PPFIBP2: variants seen among roughly 807,000 people sequenced by gnomAD.
PPFIBP2 encodes the protein PPFIB scaffold protein 2, also known as liprin-beta-2.
In PPFIBP2, 118 loss-of-function variants were observed where a neutral mutation model predicts 118.3. That is an observed-to-expected ratio of 1.00 (90% confidence interval 0.86 to 1.16). The LOEUF is 1.16. PPFIBP2 is among the 50% of genes most tolerant of loss of function. The probability of loss-of-function intolerance (pLI) is 0.00; values close to 1 mark genes in which losing one functional copy is unlikely to be tolerated. For synonymous variants in PPFIBP2, 414 were observed against 397.4 expected, an observed-to-expected ratio of 1.04 and a Z score of -0.50; for missense variants, 1,195 against 1,073.1, an observed-to-expected ratio of 1.11 and a Z score of -1.59.
chr11:7,621,348 C>T (rs886386386), intron 7 of PPFIBP2, among the ~76,000 whole-genome samples: 2 of 152,194 alleles, frequency 1.3e-5, no homozygotes, highest in Non-Finnish European at 2.9e-5. Context: ...GGCAGTGAAT[C>T]ATGCGTCCTA....
the PPFIBP2 span, chr11:7,665,603 C>A: frequency 1.3e-6 from 2 of 1,524,432 alleles, no homozygotes; most frequent in East Asian, 2.3e-5. Flanking sequence ...GTTCCTGATC[C>A]CAGGCCGCCT....
chr11:7,589,704 A>G (rs996824061), intron 3 of PPFIBP2, among the ~76,000 whole-genome samples: 5 of 152,112 alleles, frequency 3.3e-5, no homozygotes, highest in African/African-American at 4.8e-5. Flanking sequence ...GGTTTTTGCA[A>G]CCTGACTTCA....
rs777141730 is a variant in PPFIBP2 at position 7,653,089 on chromosome 11, C to T, written c.2502C>T (p.Asp834=). The T allele has an allele frequency of 3.1e-6, 5 of 1,613,834 alleles. No homozygotes were observed. The Admixed American group carries it at 8.3e-5, about 27-fold the overall frequency. Residue 834 remains aspartate (D), a synonymous_variant, in exon 24 of 24, where the codon GAC becomes GAT. Coordinates refer to ENST00000299492, the MANE Select transcript of PPFIBP2 (RefSeq NM_003621.5). Reference sequence around the variant, plus strand: ...AAAAGAAGTTCGATGAATCGACGGACTACATTTGCCCAATGGAGCCCAGTG... The same window carrying T: ...AAAAGAAGTTCGATGAATCGACGGATTACATTTGCCCAATGGAGCCCAGTG... ...IRKKKFDEST[D]YICPMEPSDG... is the part of the protein sequence containing the mutation.
intron 3 of PPFIBP2, among the ~76,000 whole-genome samples, chr11:7,582,038 A>G (rs1857338587): frequency 1.3e-5 from 2 of 152,108 alleles, no homozygotes; most frequent in South Asian, 4.2e-4. Context: ...GGGTTTTGCC[A>G]TGTTAGCCAG....
At chr11:7,651,573 C>G (rs531628496) in intron 22 of PPFIBP2, 83 bp from the exon 23 acceptor site, 5 of 1,323,294 alleles carry the variant, frequency 3.8e-6, no homozygotes, top group African/African-American at 1.5e-5. Flanking sequence ...ACCCCCAGCC[C>G]CAACAGGCCA....
At chr11:7,571,047 G>A (rs992753805) in intron 3 of PPFIBP2, among the ~76,000 whole-genome samples, 3 of 152,154 alleles carry the variant, frequency 2.0e-5, no homozygotes, top group African/African-American at 7.2e-5. Context: ...GCTTGATGGA[G>A]GCCCACATCT....
intron 10 of PPFIBP2, 68 bp downstream of exon 10, chr11:7,629,602 C>T (rs1850492026): frequency 1.4e-6 from 2 of 1,478,184 alleles, no homozygotes; most frequent in South Asian, 1.1e-5. Context: ...AAGCCAGGGG[C>T]AGTTCTGCTA....
At chr11:7,585,583 A>C (rs1302263818) in intron 3 of PPFIBP2, among the ~76,000 whole-genome samples, 1 of 152,220 alleles carries the variant, frequency 6.6e-6, no homozygotes, top group Non-Finnish European at 1.5e-5. Flanking sequence ...TTCTCCTTGC[A>C]AATGGCCAGC....
chr11:7,553,573 C>A (rs11041443), intron 2 of PPFIBP2, among the ~76,000 whole-genome samples: 9,148 of 152,202 alleles, frequency 0.06, 354 homozygotes, highest in South Asian at 0.15. Flanking sequence ...AATCCCAGCT[C>A]AGCCATTTAG....
intron 5 of PPFIBP2, among the ~76,000 whole-genome samples, chr11:7,609,591 C>A (rs1401528566): frequency 9.9e-5 from 15 of 152,114 alleles, no homozygotes. Flanking sequence ...TTGTCAAAGC[C>A]CTGGGTTATT....
intron 4 of PPFIBP2, among the ~76,000 whole-genome samples, chr11:7,594,182 T>C (rs917874048): frequency 6.6e-6 from 1 of 152,222 alleles, no homozygotes; most frequent in African/African-American, 2.4e-5. Flanking sequence ...TTGTATTTTA[T>C]GAACATAAGG....
intron 1 of PPFIBP2, among the ~76,000 whole-genome samples, chr11:7,514,923 G>T (rs915566950): frequency 6.6e-6 from 1 of 152,100 alleles, no homozygotes; most frequent in African/African-American, 2.4e-5. Flanking sequence ...TCTATATTTT[G>T]GTCTACTTCC....
At position 7,642,392 on chromosome 11, in the gene PPFIBP2, C is replaced by A. The variant is rs577193193; in HGVS notation, c.1612C>A (p.Leu538Ile). The A allele has an allele frequency of 1.2e-6, 2 of 1,614,058 alleles. No individual in the cohort carries two copies. Among genetic ancestry groups the A allele is most frequent in the Admixed American group, 3.3e-5 (2 of 60,012 alleles). ...GCTCCGGGCAACCGCAGGGCCAAGA[C>A]TCTCTAGGACCAGGGACTCCAAGGG... Reference protein sequence around the residue: ...GGLRATAGPRLSRTRDSKGQK... With the variant: ...GGLRATAGPRISRTRDSKGQK... Residue 538 changes from leucine (L) to isoleucine (I), a missense_variant, in exon 17 of 24, where the codon CTC (leucine) becomes ATC (isoleucine). By Grantham distance (5) the Leu-to-Ile change is conservative. Coordinates refer to ENST00000299492, the MANE Select transcript of PPFIBP2 (RefSeq NM_003621.5).
chr11:7,597,173 T>C, intron 4 of PPFIBP2: 2 of 1,463,980 alleles, frequency 1.4e-6, no homozygotes, highest in Non-Finnish European at 1.8e-6. Flanking sequence ...TTTGGACCGC[T>C]CTTCCACACG....
At chr11:7,534,326 C>T (rs1851010226) in intron 1 of PPFIBP2, among the ~76,000 whole-genome samples, 1 of 152,192 alleles carries the variant, frequency 6.6e-6, no homozygotes, top group African/African-American at 2.4e-5. Context: ...TCCTCTTACC[C>T]ATCATTTAGC....
chr11:7,613,441 A>C (rs938036106), intron 6 of PPFIBP2, among the ~76,000 whole-genome samples: 2 of 152,184 alleles, frequency 1.3e-5, no homozygotes, highest in Non-Finnish European at 2.9e-5. Flanking sequence ...CTCAAGAGTG[A>C]GTAGTGGCCC....
chr11:7,531,997 G>A (rs897969289), intron 1 of PPFIBP2, among the ~76,000 whole-genome samples: 1 of 152,004 alleles, frequency 6.6e-6, no homozygotes, highest in Non-Finnish European at 1.5e-5. Flanking sequence ...TACCACACTT[G>A]GCTAGTTTTT....
At chr11:7,618,104 C>G (rs184145014) in intron 6 of PPFIBP2, among the ~76,000 whole-genome samples, 1 of 152,212 alleles carries the variant, frequency 6.6e-6, no homozygotes, top group African/African-American at 2.4e-5. Context: ...TTACTATGGT[C>G]CATACTCAAT....
chr11:7,596,565 G>A (rs1860348942), intron 4 of PPFIBP2, among the ~76,000 whole-genome samples: 1 of 152,140 alleles, frequency 6.6e-6, no homozygotes, highest in African/African-American at 2.4e-5. Flanking sequence ...TTATAATTCA[G>A]AAAGTTTATC....
Sources: gnomAD v4.1 joint callset for allele counts (sites outside exome capture counted in the v4.1 genomes callset) on GRCh38, gnomAD v4.1.1 for gene constraint, MANE v1.5 for transcripts, NCBI Gene and HGNC (gene_info 2026-07-23, HGNC 2026-07-21) for gene names.